FTCDNL1: variants seen among roughly 807,000 people sequenced by gnomAD.
FTCDNL1 encodes the protein formiminotransferase cyclodeaminase N-terminal like, also known as formiminotransferase N-terminal subdomain-containing protein.
FTCDNL1 carries 11 observed loss-of-function variants against 5.9 expected under a neutral mutation model. The observed-to-expected ratio is 1.87, with a 90% CI of 1.18 to 3.10. The LOEUF (loss-of-function observed/expected upper bound fraction) is 3.10, where lower values mean the gene tolerates loss of function less well. FTCDNL1 is among the 30% of genes most tolerant of loss of function. The pLI, the probability that FTCDNL1 is intolerant of heterozygous loss-of-function variation, is 0.00. For missense variants in FTCDNL1, 115 were observed against 65.5 expected (o/e 1.76, Z -2.61); for synonymous variants, 58 against 24.8 (o/e 2.34, Z -3.99).
chr2:199,842,813 T>C (rs1472541609), intron 3 of FTCDNL1, among the ~76,000 whole-genome samples: 1 of 152,156 alleles, frequency 6.6e-6, no homozygotes, highest in Non-Finnish European at 1.5e-5. Flanking sequence ...CTGATTATTA[T>C]GTTAAAGCTG....
chr2:199,690,335 G>A, the FTCDNL1 span, among the ~76,000 whole-genome samples: 4 of 152,054 alleles, frequency 2.6e-5, no homozygotes, highest in Non-Finnish European at 4.4e-5. Context: ...CATTAAAATC[G>A]AAGTCCTGAA....
chr2:199,755,632 C>T (rs1431721127), downstream of FTCDNL1, among the ~76,000 whole-genome samples: 1 of 152,186 alleles, frequency 6.6e-6, no homozygotes, highest in Non-Finnish European at 1.5e-5. Flanking sequence ...GTGGTTGCTG[C>T]TGCTATTGTT....
chr2:199,693,889 C>G, the FTCDNL1 span, among the ~76,000 whole-genome samples: 1 of 152,168 alleles, frequency 6.6e-6, no homozygotes, highest in African/African-American at 2.4e-5. Context: ...GTTAATAATC[C>G]TAATCGGCTT....
chr2:199,758,896 GCTAA>G (rs1370696239), downstream of FTCDNL1, among the ~76,000 whole-genome samples: 1 of 152,108 alleles, frequency 6.6e-6, no homozygotes, highest in Non-Finnish European at 1.5e-5. Context: ...ATGAAAACAA[GCTAA>G]CTGTCCATCA....
intron 3 of FTCDNL1, among the ~76,000 whole-genome samples, chr2:199,774,100 G>C (rs770104302): frequency 6.6e-6 from 1 of 152,078 alleles, no homozygotes; most frequent in Non-Finnish European, 1.5e-5. Context: ...GGGGCCTTTT[G>C]GTCCTTTTCT....
At chr2:199,702,355 T>C in the FTCDNL1 span, among the ~76,000 whole-genome samples, 2 of 152,090 alleles carry the variant, frequency 1.3e-5, no homozygotes, top group Non-Finnish European at 2.9e-5. Context: ...CATCACATGG[T>C]AACAAAGGTG....
chr2:199,752,728 ATCTC>A, the FTCDNL1 span, among the ~76,000 whole-genome samples: 95,333 of 145,652 alleles, frequency 0.65, 33,964 homozygotes, highest in South Asian at 0.86. Context: ...CATATATACT[ATCTC>A]TCTCTCTCTG....
At chr2:199,682,255 G>C in the FTCDNL1 span, among the ~76,000 whole-genome samples, 2 of 152,200 alleles carry the variant, frequency 1.3e-5, no homozygotes, top group African/African-American at 4.8e-5. Context: ...GAGCAGGAGA[G>C]AATGCTGCCA....
the FTCDNL1 span, among the ~76,000 whole-genome samples, chr2:199,744,370 T>C: frequency 4.6e-5 from 7 of 152,098 alleles, no homozygotes; most frequent in Middle Eastern, 3.4e-3. Context: ...ATAGGACTAG[T>C]GTTGTTATAA....
At chr2:199,745,916 T>C in the FTCDNL1 span, among the ~76,000 whole-genome samples, 1 of 152,174 alleles carries the variant, frequency 6.6e-6, no homozygotes, top group African/African-American at 2.4e-5. Flanking sequence ...CTATCCTGGG[T>C]TCAAAGCATT....
the FTCDNL1 span, among the ~76,000 whole-genome samples, chr2:199,672,018 G>T: frequency 1.3e-5 from 2 of 152,080 alleles, no homozygotes; most frequent in African/African-American, 2.4e-5. Context: ...ACTCTCCCAC[G>T]TTCTCGGTCA....
At chr2:199,722,598 T>C in the FTCDNL1 span, among the ~76,000 whole-genome samples, 2 of 152,122 alleles carry the variant, frequency 1.3e-5, no homozygotes, top group African/African-American at 4.8e-5. Flanking sequence ...ATTGTCTTGG[T>C]TATAGGGGCT....
At chr2:199,790,169 C>G (rs933795290) in intron 3 of FTCDNL1, among the ~76,000 whole-genome samples, 1 of 151,824 alleles carries the variant, frequency 6.6e-6, no homozygotes, top group Non-Finnish European at 1.5e-5. Context: ...TAGCATAAGA[C>G]ACTTGAAAGG....
chr2:199,695,406 C>A, the FTCDNL1 span, among the ~76,000 whole-genome samples: 17,147 of 152,132 alleles, frequency 0.11, 1,323 homozygotes, highest in Middle Eastern at 0.24. Context: ...CTAGCCCAAA[C>A]TGAGATGTAT....
At chr2:199,685,683 G>A in the FTCDNL1 span, among the ~76,000 whole-genome samples, 1 of 152,176 alleles carries the variant, frequency 6.6e-6, no homozygotes, top group African/African-American at 2.4e-5. Flanking sequence ...AAAATCCTAT[G>A]TTCCTAATCC....
chr2:199,846,658 T>A (rs2076741069), intron 2 of FTCDNL1, among the ~76,000 whole-genome samples: 2 of 152,178 alleles, frequency 1.3e-5, no homozygotes, highest in African/African-American at 2.4e-5. Context: ...CATGCACCTG[T>A]CCATTAGAAA....
intron 3 of FTCDNL1, among the ~76,000 whole-genome samples, chr2:199,839,709 A>T (rs748197785): frequency 2.6e-5 from 4 of 152,250 alleles, no homozygotes; most frequent in Non-Finnish European, 4.4e-5. Context: ...GAAAGGTCAC[A>T]TACAAAAAAT....
At chr2:199,689,260 G>C in the FTCDNL1 span, among the ~76,000 whole-genome samples, 1 of 152,126 alleles carries the variant, frequency 6.6e-6, no homozygotes, top group Admixed American at 6.5e-5. Flanking sequence ...TAATGAAAGA[G>C]AATTTTTCTA....
chr2:199,743,024 CT>C, the FTCDNL1 span, among the ~76,000 whole-genome samples: 1 of 152,188 alleles, frequency 6.6e-6, no homozygotes, highest in African/African-American at 2.4e-5. Context: ...CAGGGGTTAC[CT>C]GGAGGGCCAG....
Sources: gnomAD v4.1 joint callset for allele counts (sites outside exome capture counted in the v4.1 genomes callset) on GRCh38, gnomAD v4.1.1 for gene constraint, MANE v1.5 for transcripts, NCBI Gene and HGNC (gene_info 2026-07-23, HGNC 2026-07-21) for gene names.